Variants in FRMD4A observed in about 807,000 individuals in gnomAD.
FRMD4A encodes FERM domain containing 4A.
Under a neutral mutation model 129.1 loss-of-function variants are expected in FRMD4A, and 29 were observed. The observed-to-expected ratio is 0.22, with a 90% confidence interval of 0.17 to 0.31. The LOEUF (loss-of-function observed/expected upper bound fraction) is 0.31. Ranked by LOEUF, FRMD4A falls within the 10% of genes least tolerant of loss-of-function variation. FRMD4A has a pLI of 1.00. For synonymous variants in FRMD4A, 634 were observed against 571.6 expected, an observed-to-expected ratio of 1.11 and a Z score of -1.56; for missense variants, 1,272 against 1,375.8, an observed-to-expected ratio of 0.92 and a Z score of 1.19.
rs142764391 is a variant in FRMD4A, at chr10:13,963,269, C to CT, written c.46-104358dup. Among the ~76,000 whole-genome samples the CT allele has an allele frequency of 2.8e-3, 322 of 116,776 alleles. 4 individuals carry two copies. Among genetic ancestry groups the CT allele is most frequent in the African/African-American group, 9.8e-3 (303 of 30,904 alleles). 76.6% of individuals were successfully genotyped at this position (116,776 alleles called of 152,430 possible). On this transcript the variant is annotated intron_variant, in intron 2 of 24. Transcript: ENST00000357447. The stretch of plus-strand genomic sequence containing the variant: ...AATTGTTCTTCCTTGGTGCAAGCCT[C>CT]TTTTTTTTTTTTTTTTTTTTTCAAC...
intron 2 of FRMD4A, among the ~76,000 whole-genome samples, chr10:14,265,276 T>G (rs944237165): frequency 1.3e-5 from 2 of 152,204 alleles, no homozygotes; most frequent in Non-Finnish European, 2.9e-5. Flanking sequence ...CATGGTCCTT[T>G]TTTTAAAACC....
At chr10:14,128,773 T>C (rs2131824267) in intron 2 of FRMD4A, among the ~76,000 whole-genome samples, 1 of 152,306 alleles carries the variant, frequency 6.6e-6, no homozygotes, top group African/African-American at 2.4e-5. Context: ...ACCACCATTA[T>C]CATCATCACT....
intron 2 of FRMD4A, among the ~76,000 whole-genome samples, chr10:14,019,647 T>C (rs963982353): frequency 1.3e-5 from 2 of 152,184 alleles, no homozygotes; most frequent in African/African-American, 4.8e-5. Context: ...CACATATTAT[T>C]TTGATAAAAA....
At chr10:14,011,736 C>T (rs10906568) in intron 2 of FRMD4A, among the ~76,000 whole-genome samples, 13 of 151,970 alleles carry the variant, frequency 8.6e-5, no homozygotes, top group African/African-American at 3.1e-4. Context: ...AGGCGGGACA[C>T]GGTGGCTCAT....
Position 13,680,812 on chromosome 10 carries a change from TGAG to T in FRMD4A, c.1118-5771_1118-5769del, listed in dbSNP as rs557302281. ...CTGTAATACTAGCACTCTGGGAGGCTGAGGTGGGAGGACTGCTTGAGGCTAGGA... is the reference window on the plus strand; with the variant it reads ...CTGTAATACTAGCACTCTGGGAGGCTGTGGGAGGACTGCTTGAGGCTAGGA... On this transcript the variant is annotated intron_variant, in intron 15 of 24. Coordinates refer to ENST00000357447, the MANE Select transcript of FRMD4A (RefSeq NM_018027.5). 2.0e-3 allele frequency among the ~76,000 whole-genome samples: 310 copies of T among 151,456 alleles called. 1 individual carries two copies. The highest frequency in any genetic ancestry group is 7.2e-3 in the African/African-American group (299 of 41,276).
At chr10:13,702,570 G>A (rs1406028791) in intron 13 of FRMD4A, among the ~76,000 whole-genome samples, 1 of 151,440 alleles carries the variant, frequency 6.6e-6, no homozygotes, top group Non-Finnish European at 1.5e-5. Flanking sequence ...GTGTGTGTGC[G>A]CATGCATGTG....
rs373678893 is a variant in FRMD4A, at chr10:14,018,174, C to T, written c.46-159262G>A. On this transcript the variant is annotated intron_variant, in intron 2 of 24. Transcript: ENST00000357447. ...GAAATGACATTAAGGCAGCTGGGTG[C>T]AGTGGCTCACATCTGTAATCCCAGC... 7.2e-5 allele frequency among the ~76,000 whole-genome samples: 11 copies of T among 151,800 alleles called. 1 individual carries two copies. In the East Asian group the frequency reaches 1.4e-3, roughly 19 times the overall value.
At chr10:13,675,434 C>A (rs144729492) in intron 15 of FRMD4A, among the ~76,000 whole-genome samples, 89 of 152,360 alleles carry the variant, frequency 5.8e-4, no homozygotes, top group Non-Finnish European at 1.1e-3. Context: ...GACAGTCTCA[C>A]TCTGTCACCC....
At position 14,055,446 on chromosome 10, in the gene FRMD4A, CACACACACACACACAA is replaced by C. The variant is rs200979716; in HGVS notation, c.46-196550_46-196535del. Among the ~76,000 whole-genome samples, 316 of 39,974 alleles carry C rather than the reference CACACACACACACACAA, an allele frequency of 7.9e-3. 5 individuals are homozygous for C. Among genetic ancestry groups the C allele is most frequent in the African/African-American group, 9.4e-3 (98 of 10,378 alleles). 26.2% of individuals were successfully genotyped at this position (39,974 alleles called of 152,430 possible). ...CCCTATGCTGATCTAGCTACACACACACACACACACACACAAACACACACACACACACACACACACA... is the reference window on the plus strand; with the variant it reads ...CCCTATGCTGATCTAGCTACACACACACACACACACACACACACACACACA... On this transcript the variant is annotated intron_variant, in intron 2 of 24. Transcript: ENST00000357447.
rs1034352989 is a variant in FRMD4A, at chr10:14,057,666, G to C, written c.46-198754C>G. Among the ~76,000 whole-genome samples, 4 of 152,248 alleles carry C rather than the reference G, an allele frequency of 2.6e-5. No homozygotes were observed. In the East Asian group the frequency reaches 7.7e-4, roughly 29 times the overall value. ...GCTCACCACAACCTCCGCCTCCTGG[G>C]TTCAAGAGATTCTCCAGCCTCAGCC... On this transcript the variant is annotated intron_variant, in intron 2 of 24. Transcript: ENST00000357447.
chr10:14,072,882 C>T (rs1010002927), intron 2 of FRMD4A, among the ~76,000 whole-genome samples: 11 of 152,160 alleles, frequency 7.2e-5, no homozygotes, highest in African/African-American at 2.7e-4. Context: ...AGTCCCCAGA[C>T]CTGCACTTCC....
intron 2 of FRMD4A, among the ~76,000 whole-genome samples, chr10:14,208,379 C>T (rs1842845331): frequency 6.6e-6 from 1 of 152,090 alleles, no homozygotes; most frequent in African/African-American, 2.4e-5. Context: ...TCCTCTCTGT[C>T]ACAGAAAATG....
intron 2 of FRMD4A, among the ~76,000 whole-genome samples, chr10:13,949,989 C>T (rs1178719385): frequency 6.6e-6 from 1 of 152,240 alleles, no homozygotes; most frequent in African/African-American, 2.4e-5. Flanking sequence ...CTTCTTATGA[C>T]AGATCACAAC....
At chr10:14,021,203 A>G (rs1832728973) in intron 2 of FRMD4A, among the ~76,000 whole-genome samples, 1 of 152,064 alleles carries the variant, frequency 6.6e-6, no homozygotes, top group Admixed American at 6.6e-5. Flanking sequence ...GGATGTGTAT[A>G]TAGGTGGGGA....
Position 13,657,461 on chromosome 10 carries a change from A to C in FRMD4A, c.2128T>G (p.Ser710Ala), listed in dbSNP as rs2082262450. 3.1e-6 allele frequency: 5 copies of C among 1,610,660 alleles called. No homozygotes were observed. Among genetic ancestry groups the C allele is most frequent in the Non-Finnish European group, 3.4e-6 (4 of 1,179,770 alleles). ...AGCTTGCCCTGGGACTCCAGGCTGG[A>C]GCTCCGGTGCCTAAAGTGCAGTGCG... ...SLALHFRHRS[S>A]SLESQGKLLG... is the part of the protein sequence containing the mutation. The change falls in exon 22 of 25, where the codon TCC becomes GCC. Residue 710 changes from serine to alanine, a missense_variant. Physicochemically the swap from Ser to Ala is moderately conservative, Grantham distance 99 (BLOSUM62 1). This residue lies in a region of FRMD4A where 972 missense variants were observed against 892.3 expected (regional missense o/e 1.09). Coordinates refer to ENST00000357447, the MANE Select transcript of FRMD4A (RefSeq NM_018027.5).
At chr10:14,008,907 G>A (rs1025551910) in intron 2 of FRMD4A, among the ~76,000 whole-genome samples, 2 of 152,204 alleles carry the variant, frequency 1.3e-5, no homozygotes, top group African/African-American at 4.8e-5. Context: ...GAGAAAGTAT[G>A]AGGGAAAGAA....
intron 12 of FRMD4A, among the ~76,000 whole-genome samples, chr10:13,731,013 G>A (rs1263117443): frequency 1.3e-5 from 2 of 148,812 alleles, no homozygotes; most frequent in Non-Finnish European, 3.0e-5. Flanking sequence ...GGGAGACAGA[G>A]CGAGACTCCC....
At chr10:13,693,454 C>A in intron 15 of FRMD4A, 1 of 1,068,332 alleles carries the variant, frequency 9.4e-7, no homozygotes, top group Non-Finnish European at 1.2e-6. Context: ...GAGAGTATTC[C>A]GCATTTTTAA....
intron 2 of FRMD4A, among the ~76,000 whole-genome samples, chr10:14,038,429 T>A (rs1054160545): frequency 6.6e-6 from 1 of 152,212 alleles, no homozygotes; most frequent in Non-Finnish European, 1.5e-5. Flanking sequence ...GCATACCTGT[T>A]AGAGGAGATG....
Sources: gnomAD v4.1 joint callset for allele counts (sites outside exome capture counted in the v4.1 genomes callset) on GRCh38, gnomAD v4.1.1 for gene constraint, gnomAD v4.1.1 regional missense constraint, MANE v1.5 for transcripts, NCBI Gene and HGNC (gene_info 2026-07-23, HGNC 2026-07-21) for gene names.